The following KCNMB2 variants were observed in gnomAD, a reference collection of about 807,000 sequenced individuals.
KCNMB2 encodes calcium-activated potassium channel subunit beta-2.
Under a neutral mutation model 24.5 loss-of-function variants are expected in KCNMB2, and 9 were observed. That is an observed-to-expected ratio of 0.37 (90% CI 0.22 to 0.64). The LOEUF (loss-of-function observed/expected upper bound fraction) is 0.64. KCNMB2 is among the 30% of genes least tolerant of loss of function. The probability of loss-of-function intolerance (pLI) is 0.63; values close to 1 mark genes in which losing one functional copy is unlikely to be tolerated. For synonymous variants in KCNMB2, 109 were observed against 104.4 expected, an observed-to-expected ratio of 1.04 and a Z score of -0.27; for missense variants, 226 against 284.3, an observed-to-expected ratio of 0.79 and a Z score of 1.47.
intron 1 of KCNMB2, among the ~76,000 whole-genome samples, chr3:178,671,551 A>G (rs1402983517): frequency 1.3e-5 from 2 of 152,110 alleles, no homozygotes; most frequent in Non-Finnish European, 2.9e-5. Context: ...CTGAGCTTAG[A>G]GAGAAAATAC....
intron 1 of KCNMB2, among the ~76,000 whole-genome samples, chr3:178,703,096 C>G (rs532375344): frequency 6.6e-6 from 1 of 151,746 alleles, no homozygotes; most frequent in Non-Finnish European, 1.5e-5. Context: ...TTAATATTAA[C>G]AGGAAAAAAG....
intron 1 of KCNMB2, among the ~76,000 whole-genome samples, chr3:178,758,102 ATACACACAAGAGGATATATATATG>A (rs1560006564): frequency 1.5e-4 from 16 of 104,384 alleles, no homozygotes; most frequent in South Asian, 6.4e-4. Flanking sequence ...ATATATATAT[ATACACACAAGAGGATATATATATG>A]TACACACAAG....
chr3:178,589,149 T>G (rs1182248637), intron 1 of KCNMB2, among the ~76,000 whole-genome samples: 1 of 152,186 alleles, frequency 6.6e-6, no homozygotes, highest in East Asian at 1.9e-4. Context: ...CCTTATCAAA[T>G]AAATGTAATG....
chr3:178,752,633 T>A lies in KCNMB2; in HGVS notation c.-67-54710T>A, dbSNP rs114610932. Among the ~76,000 whole-genome samples the A allele has an allele frequency of 9.2e-3, 1,407 of 152,270 alleles. 21 individuals carry two copies. The highest frequency in any genetic ancestry group is 0.032 in the African/African-American group (1,343 of 41,564). On this transcript the variant is annotated intron_variant, in intron 1 of 4. Coordinates refer to ENST00000452583, the MANE Select transcript of KCNMB2 (RefSeq NM_181361.3). Reference sequence around the variant, plus strand: ...GAGGAAAAACTGGAGAAAATACAGATCATACCCTGAGAGGCCAGTTAGAAA... The same window carrying A: ...GAGGAAAAACTGGAGAAAATACAGAACATACCCTGAGAGGCCAGTTAGAAA...
At chr3:178,650,361 G>A (rs1022924383) in intron 1 of KCNMB2, among the ~76,000 whole-genome samples, 14 of 151,972 alleles carry the variant, frequency 9.2e-5, no homozygotes, top group South Asian at 2.1e-4. Flanking sequence ...TATTAGGTCC[G>A]CTTGATCCTG....
intron 1 of KCNMB2, among the ~76,000 whole-genome samples, chr3:178,782,932 A>G (rs1222439678): frequency 2.9e-4 from 44 of 151,318 alleles, no homozygotes; most frequent in East Asian, 9.7e-4. Context: ...TAGGTCTAAC[A>G]TTTAAGTCTT....
rs893983269 is a variant in KCNMB2 at position 178,712,815 on chromosome 3, T to G, written c.-67-94528T>G. Among the ~76,000 whole-genome samples the G allele has an allele frequency of 3.9e-5, 6 of 152,350 alleles. No individual in the cohort carries two copies. In the East Asian group the frequency reaches 1.2e-3, roughly 29 times the overall value. The stretch of plus-strand genomic sequence containing the variant: ...TAATCTGGAGTTTTGAGTGGTATTT[T>G]ATATTATTCAAAGAGATTTTATATT... On this transcript the variant is annotated intron_variant, in intron 1 of 4. Coordinates refer to ENST00000452583, the MANE Select transcript of KCNMB2 (RefSeq NM_181361.3).
intron 1 of KCNMB2, among the ~76,000 whole-genome samples, chr3:178,702,247 A>T: frequency 7.7e-6 from 1 of 130,320 alleles, no homozygotes; most frequent in Non-Finnish European, 1.5e-5. Context: ...ACACTTGGAC[A>T]CAGGAAGGGG....
intron 1 of KCNMB2, among the ~76,000 whole-genome samples, chr3:178,699,500 C>A (rs930066361): frequency 1.3e-5 from 2 of 152,204 alleles, no homozygotes; most frequent in African/African-American, 2.4e-5. Flanking sequence ...GGGGCTGGCT[C>A]ACTGGAGCTC....
At chr3:178,706,259 C>T (rs951588701) in intron 1 of KCNMB2, among the ~76,000 whole-genome samples, 4 of 152,012 alleles carry the variant, frequency 2.6e-5, no homozygotes, top group Non-Finnish European at 4.4e-5. Flanking sequence ...AGCAAGGTCA[C>T]GATAATACTA....
At chr3:178,757,702 CCAAGAGGATATATAT>C (rs1724173500) in intron 1 of KCNMB2, among the ~76,000 whole-genome samples, 1 of 42,402 alleles carries the variant, frequency 2.4e-5, no homozygotes, top group African/African-American at 9.5e-5. Context: ...GTATATATAT[CCAAGAGGATATATAT>C]ATGTATATAT....
intron 1 of KCNMB2, among the ~76,000 whole-genome samples, chr3:178,550,718 C>A (rs1353376623): frequency 6.6e-6 from 1 of 151,974 alleles, no homozygotes; most frequent in Admixed American, 6.6e-5. Flanking sequence ...CTCTTTTTTG[C>A]CACTAGTGTG....
intron 2 of KCNMB2, among the ~76,000 whole-genome samples, chr3:178,814,154 C>T (rs1415241799): frequency 6.6e-6 from 1 of 152,176 alleles, no homozygotes; most frequent in African/African-American, 2.4e-5. Flanking sequence ...TCCTCCCTCC[C>T]TGCCCCCTTT....
intron 1 of KCNMB2, among the ~76,000 whole-genome samples, chr3:178,736,299 G>A (rs936167047): frequency 8.5e-5 from 13 of 152,140 alleles, no homozygotes; most frequent in African/African-American, 2.2e-4. Context: ...CCATCTAAAC[G>A]GGTTAATTAA....
intron 1 of KCNMB2, among the ~76,000 whole-genome samples, chr3:178,645,695 G>A (rs960199200): frequency 6.6e-6 from 1 of 152,128 alleles, no homozygotes; most frequent in African/African-American, 2.4e-5. Context: ...CCCAGCCACA[G>A]AGCCGGTTCT....
intron 1 of KCNMB2, among the ~76,000 whole-genome samples, chr3:178,564,395 G>C (rs1229146526): frequency 6.6e-6 from 1 of 152,170 alleles, no homozygotes; most frequent in Non-Finnish European, 1.5e-5. Context: ...GAAATTCAGT[G>C]CTTATGTAGG....
chr3:178,785,571 A>G lies in KCNMB2; in HGVS notation c.-67-21772A>G, dbSNP rs140288329. On this transcript the variant is annotated intron_variant, in intron 1 of 4. Coordinates refer to ENST00000452583, the MANE Select transcript of KCNMB2 (RefSeq NM_181361.3). ...CCTATGAAATGAATCTATAATATTAAAAAAGCACAATAGTGGTTATCCCTG... is the reference window on the plus strand; with the variant it reads ...CCTATGAAATGAATCTATAATATTAGAAAAGCACAATAGTGGTTATCCCTG... Among the ~76,000 whole-genome samples, 201 of 152,100 alleles carry G rather than the reference A, an allele frequency of 1.3e-3. 1 individual carries two copies. In the East Asian group the frequency reaches 0.024, roughly 18 times the overall value.
intron 1 of KCNMB2, among the ~76,000 whole-genome samples, chr3:178,578,021 C>T (rs1717058018): frequency 6.6e-6 from 1 of 152,168 alleles, no homozygotes; most frequent in Non-Finnish European, 1.5e-5. Context: ...TCAGGAAATA[C>T]AGAGAACACC....
chr3:178,590,376 AGG>A (rs1178068583), intron 1 of KCNMB2, among the ~76,000 whole-genome samples: 1 of 152,172 alleles, frequency 6.6e-6, no homozygotes, highest in Non-Finnish European at 1.5e-5. Context: ...TTGGATTTAG[AGG>A]AAAAAAAAGA....
Sources: allele counts gnomAD v4.1 joint callset (sites outside exome capture counted in the v4.1 genomes callset), GRCh38; gene constraint gnomAD v4.1.1; transcripts MANE v1.5; gene names NCBI Gene and HGNC (gene_info 2026-07-23, HGNC 2026-07-21).